WDR7: variants seen among roughly 807,000 people sequenced by gnomAD.
WDR7 encodes WD repeat-containing protein 7.
WDR7 carries 46 observed loss-of-function variants against 169.4 expected under a neutral mutation model. That is an observed-to-expected ratio of 0.27 (90% CI 0.21 to 0.35). The LOEUF is 0.35. Ranked by LOEUF, WDR7 falls within the 10% of genes least tolerant of loss-of-function variation. The pLI is 1.00. For synonymous variants in WDR7, 612 were observed against 666.8 expected, an observed-to-expected ratio of 0.92 and a Z score of 1.27; for missense variants, 1,534 against 1,859.3, an observed-to-expected ratio of 0.83 and a Z score of 3.22.
chr18:56,855,527 T>C (rs778483524), intron 20 of WDR7, among the ~76,000 whole-genome samples: 1 of 152,202 alleles, frequency 6.6e-6, no homozygotes, highest in Non-Finnish European at 1.5e-5. Flanking sequence ...TAAAAGCTGT[T>C]AATCCACTTG....
At chr18:56,669,528 A>G (rs1017786876) in intron 1 of WDR7, among the ~76,000 whole-genome samples, 1 of 152,138 alleles carries the variant, frequency 6.6e-6, no homozygotes, top group Non-Finnish European at 1.5e-5. Flanking sequence ...TGAAAACTCA[A>G]TGTTCCTAAT....
At chr18:56,969,585 T>G (rs1479109127) in intron 26 of WDR7, among the ~76,000 whole-genome samples, 1 of 152,240 alleles carries the variant, frequency 6.6e-6, no homozygotes, top group East Asian at 1.9e-4. Context: ...TAAATACAGT[T>G]ACTCTATACT....
chr18:56,878,932 T>C (rs897735124), intron 20 of WDR7, among the ~76,000 whole-genome samples: 2 of 152,252 alleles, frequency 1.3e-5, no homozygotes, highest in Admixed American at 6.5e-5. Context: ...TGTATGGATA[T>C]ACTTAGATTT....
At chr18:56,820,185 G>A (rs1413592435) in intron 20 of WDR7, among the ~76,000 whole-genome samples, 3 of 151,334 alleles carry the variant, frequency 2.0e-5, no homozygotes, top group Non-Finnish European at 2.9e-5. Flanking sequence ...CAGAATTTTG[G>A]AAGGGTTTCA....
intron 25 of WDR7, among the ~76,000 whole-genome samples, chr18:56,940,625 T>A (rs185340711): frequency 2.0e-5 from 3 of 152,368 alleles, no homozygotes; most frequent in African/African-American, 7.2e-5. Flanking sequence ...ATTTTAAGAA[T>A]ACAGGTAGTT....
chr18:56,763,942 C>T (rs1009156554), intron 16 of WDR7, among the ~76,000 whole-genome samples: 1 of 151,856 alleles, frequency 6.6e-6, no homozygotes, highest in Non-Finnish European at 1.5e-5. Context: ...TATGTTTTTT[C>T]CCTTTTTCTT....
intron 19 of WDR7, among the ~76,000 whole-genome samples, chr18:56,812,340 GAACT>G (rs1227182284): frequency 9.8e-5 from 15 of 152,304 alleles, no homozygotes; most frequent in African/African-American, 3.1e-4. Flanking sequence ...CAGCCTTGCT[GAACT>G]AACTTATTAG....
At chr18:56,944,338 G>A (rs1369871692) in intron 25 of WDR7, among the ~76,000 whole-genome samples, 1 of 151,834 alleles carries the variant, frequency 6.6e-6, no homozygotes, top group Non-Finnish European at 1.5e-5. Flanking sequence ...TTTAGGTTCA[G>A]GATTTTAAAA....
chr18:56,876,307 G>C (rs1039038413), intron 20 of WDR7, among the ~76,000 whole-genome samples: 4 of 152,146 alleles, frequency 2.6e-5, no homozygotes, highest in African/African-American at 7.2e-5. Context: ...GGGTGGATTA[G>C]TATTAGAAAG....
At chr18:56,715,707 T>C (rs545417835) in intron 12 of WDR7, among the ~76,000 whole-genome samples, 1 of 152,206 alleles carries the variant, frequency 6.6e-6, no homozygotes, top group African/African-American at 2.4e-5. Context: ...GTGTGAATAC[T>C]GTGACTGATC....
chr18:56,929,440 T>A (rs1240734021), intron 22 of WDR7, among the ~76,000 whole-genome samples: 1 of 152,230 alleles, frequency 6.6e-6, no homozygotes, highest in Non-Finnish European at 1.5e-5. Context: ...TTGAATAAAG[T>A]CATGGGATTT....
chr18:56,876,915 G>C (rs372318391), intron 20 of WDR7, among the ~76,000 whole-genome samples: 2 of 152,280 alleles, frequency 1.3e-5, no homozygotes, highest in South Asian at 4.1e-4. Flanking sequence ...GGGCACAGTG[G>C]TTCATGCCTG....
intron 3 of WDR7, among the ~76,000 whole-genome samples, chr18:56,679,878 C>T (rs961181775): frequency 1.3e-5 from 2 of 152,056 alleles, no homozygotes; most frequent in Non-Finnish European, 2.9e-5. Context: ...ATTTGTGTTC[C>T]CAAGTCTCAG....
intron 5 of WDR7, among the ~76,000 whole-genome samples, chr18:56,685,281 T>C: frequency 6.6e-6 from 1 of 152,236 alleles, no homozygotes. Flanking sequence ...TTATATTTGC[T>C]TCCAGATAAG....
At chr18:56,759,213 T>C (rs2043945478) in intron 16 of WDR7, among the ~76,000 whole-genome samples, 1 of 152,190 alleles carries the variant, frequency 6.6e-6, no homozygotes, top group Non-Finnish European at 1.5e-5. Flanking sequence ...TGGGGCACCT[T>C]AACTTGACAA....
chr18:56,761,736 T>G (rs2043983966), intron 16 of WDR7, among the ~76,000 whole-genome samples: 1 of 151,840 alleles, frequency 6.6e-6, no homozygotes. Context: ...AAATATTGGA[T>G]TTGGATATTA....
chr18:56,911,633 G>A (rs2046553747), intron 21 of WDR7, among the ~76,000 whole-genome samples: 1 of 152,108 alleles, frequency 6.6e-6, no homozygotes, highest in Admixed American at 6.5e-5. Context: ...ATGCGTAAAG[G>A]GTTAACACTC....
At chr18:56,792,799 CAT>C (rs2044514889) in intron 19 of WDR7, among the ~76,000 whole-genome samples, 2 of 151,252 alleles carry the variant, frequency 1.3e-5, no homozygotes, top group African/African-American at 2.4e-5. Flanking sequence ...CACAGACACA[CAT>C]GCACACATAC....
chr18:56,804,472 A>G (rs993366976), intron 19 of WDR7, among the ~76,000 whole-genome samples: 1 of 152,252 alleles, frequency 6.6e-6, no homozygotes, highest in Non-Finnish European at 1.5e-5. Flanking sequence ...AACACTTCAT[A>G]GTCCACTTCA....
Sources: gnomAD v4.1 joint callset for allele counts (sites outside exome capture counted in the v4.1 genomes callset) on GRCh38, gnomAD v4.1.1 for gene constraint, MANE v1.5 for transcripts, NCBI Gene and HGNC (gene_info 2026-07-23, HGNC 2026-07-21) for gene names.